Variants in MATK observed in about 807,000 individuals in gnomAD.
MATK encodes megakaryocyte-associated tyrosine kinase.
MATK carries 41 observed loss-of-function variants against 59.8 expected under a neutral mutation model. The ratio of observed to expected loss-of-function variants is 0.69; its 90% CI spans 0.53 to 0.89. MATK has a LOEUF of 0.89. MATK is among the 40% of genes least tolerant of loss of function. The probability of loss-of-function intolerance (pLI) is 0.00; values close to 1 mark genes in which losing one functional copy is unlikely to be tolerated. For synonymous variants in MATK, 308 were observed against 306.1 expected, an observed-to-expected ratio of 1.01 and a Z score of -0.06; for missense variants, 593 against 719.6, an observed-to-expected ratio of 0.82 and a Z score of 2.01.
rs573994691 is a variant in MATK, at chr19:3,780,252, C to T, written c.743-455G>A. 3.3e-5 allele frequency among the ~76,000 whole-genome samples: 5 copies of T among 151,978 alleles called. No individual in the cohort carries two copies. The East Asian group carries it at 7.8e-4, about 24-fold the overall frequency. ...CCAAGATTGTGCCATTGCACTCCAG[C>T]CTGGGTGACAGAGCGAAACTCCATC... On this transcript the variant is annotated intron_variant, in intron 8 of 13. Transcript: ENST00000310132.
chr19:3,785,210 C>A lies in MATK; in HGVS notation c.-75G>T. ...TCACAGTCGGGGACGCTGGGAATGG[C>A]CTGCCACAGGCCAGTCGGCTGGCAC... On this transcript the variant is annotated 5_prime_UTR_variant, in exon 2 of 14. Coordinates refer to ENST00000310132, the MANE Select transcript of MATK (RefSeq NM_139355.3). 1 of 1,607,542 alleles carries A rather than the reference C, an allele frequency of 6.2e-7. No homozygotes were observed. The highest frequency in any genetic ancestry group is 1.7e-4 in the Middle Eastern group (1 of 6,018).
chr19:3,784,766 G>T (rs1599200477), intron 3 of MATK, 59 bp downstream of exon 3: 3 of 1,244,038 alleles, frequency 2.4e-6, no homozygotes, highest in East Asian at 2.5e-5. Flanking sequence ...GGGTCTCAGG[G>T]TGTGGACGGA....
At chr19:3,779,894 T>G in intron 8 of MATK, 97 bp from the exon 9 acceptor site, 1 of 777,464 alleles carries the variant, frequency 1.3e-6, no homozygotes, top group Non-Finnish European at 2.3e-6. Context: ...GGTGCCCATG[T>G]AACATTCACA....
At chr19:3,779,269 C>T (rs371447841) in intron 11 of MATK, 82 bp from the exon 12 acceptor site, 20 of 1,549,700 alleles carry the variant, frequency 1.3e-5, no homozygotes, top group East Asian at 2.3e-5. Flanking sequence ...TGCCTGGGGC[C>T]ACAAGCTCAC....
upstream of MATK, among the ~76,000 whole-genome samples, chr19:3,789,783 G>A (rs1315685484): frequency 6.7e-6 from 1 of 148,566 alleles, no homozygotes; most frequent in Non-Finnish European, 1.5e-5. Flanking sequence ...AGAGTGCAGT[G>A]GCCTGATCTC....
chr19:3,790,564 G>A (rs1010873366), upstream of MATK, among the ~76,000 whole-genome samples: 2 of 152,102 alleles, frequency 1.3e-5, no homozygotes, highest in African/African-American at 4.8e-5. Flanking sequence ...TGGCATCCAG[G>A]GCTCTTCATG....
At chr19:3,781,103 C>T (rs1384506026) in intron 8 of MATK, among the ~76,000 whole-genome samples, 2 of 152,124 alleles carry the variant, frequency 1.3e-5, no homozygotes, top group Non-Finnish European at 2.9e-5. Context: ...GAGCATTACA[C>T]AAAATTCAAA....
intron 6 of MATK, 82 bp downstream of exon 6, chr19:3,783,732 C>G: frequency 7.4e-7 from 1 of 1,346,682 alleles, no homozygotes; most frequent in Non-Finnish European, 1.0e-6. Flanking sequence ...TGACCCGCCC[C>G]TCTATCTCTA....
intron 1 of MATK, among the ~76,000 whole-genome samples, chr19:3,799,808 T>G (rs1358749263): frequency 6.6e-6 from 1 of 150,602 alleles, no homozygotes; most frequent in African/African-American, 2.4e-5. Context: ...ACCATTGCAC[T>G]TGAGCCTGGG....
At position 3,784,865 on chromosome 19, in the gene MATK, C is replaced by A; in HGVS notation, c.92G>T (p.Arg31Leu). The A allele has an allele frequency of 6.5e-7, 1 of 1,546,328 alleles. No homozygotes were observed. The highest frequency in any genetic ancestry group is 8.8e-7 in the Non-Finnish European group (1 of 1,142,590). The change falls in exon 3 of 14, where the codon CGA (arginine) becomes CTA (leucine). Residue 31 changes from arginine to leucine, a missense_variant. Physicochemically the swap from Arg to Leu is moderately radical, Grantham distance 102 (BLOSUM62 -2). Transcript: ENST00000310132. ...TGAGACGGGAGGGGGGTGCCAGGCTCGGAGGAAGCGGGGGCTCACCTGGGG... is the reference window on the plus strand; with the variant it reads ...TGAGACGGGAGGGGGGTGCCAGGCTAGGAGGAAGCGGGGGCTCACCTGGGG... The part of the protein sequence containing the change: ...ELPRVSPRFL[R>L]AWHPPPVSAR...
At position 3,794,213 on chromosome 19, in the gene MATK, G is replaced by A. The variant is rs183009999; in HGVS notation, c.-57-4809C>T. Among the ~76,000 whole-genome samples the A allele has an allele frequency of 1.8e-3, 275 of 152,242 alleles. 2 individuals are homozygous for A. The highest frequency in any genetic ancestry group is 6.8e-3 in the Middle Eastern group (2 of 294). On this transcript the variant is annotated intron_variant, in intron 1 of 13. Coordinates refer to the MATK transcript ENST00000395045. ...CCCCACCTGTTATCCTGTCTCACTC[G>A]TCATTGTCAATCTCCCTCCATCCTT...
intron 6 of MATK, 123 bp downstream of exon 6, chr19:3,783,691 C>A: frequency 1.2e-6 from 1 of 854,800 alleles, no homozygotes; most frequent in Non-Finnish European, 1.9e-6. Context: ...ATGGTGTCTG[C>A]CCAGCTGCTG....
upstream of MATK, among the ~76,000 whole-genome samples, chr19:3,788,000 C>T (rs1357293936): frequency 2.7e-5 from 4 of 150,854 alleles, no homozygotes; most frequent in South Asian, 2.1e-4. Flanking sequence ...TGGGCTCAAG[C>T]GAACCTCCTG....
Position 3,778,058 on chromosome 19 carries a change from G to T in MATK, c.*125C>A. ...CGCCCAGAGCCCCCTACGTGGGCCA[G>T]CCCCTGCTGTGGGCACCAGGAGGAT... On this transcript the variant is annotated 3_prime_UTR_variant, in exon 14 of 14. Transcript: ENST00000310132. 7.2e-7 allele frequency: 1 copy of T among 1,386,876 alleles called. No homozygotes were observed. The highest frequency in any genetic ancestry group is 9.5e-7 in the Non-Finnish European group (1 of 1,051,298). The allele number at this position is 1,386,876 out of a possible 1,614,324, so 85.9% of individuals were successfully genotyped here.
chr19:3,795,751 C>CTTT lies in MATK; in HGVS notation c.-58+5778_-58+5780dup, dbSNP rs530367941. 8.0e-4 allele frequency among the ~76,000 whole-genome samples: 44 copies of CTTT among 54,782 alleles called. 7 individuals carry two copies. The highest frequency in any genetic ancestry group is 1.1e-3 in the Non-Finnish European group (30 of 26,902). The allele number at this position is 54,782 out of a possible 152,430, so 35.9% of individuals were successfully genotyped here. ...GTCTTTATTTTCTCATAAGTAGGTG[C>CTTT]TTTTTTTTTTTTTTTTTTTTTTTTT... On this transcript the variant is annotated intron_variant, in intron 1 of 13. Coordinates refer to the MATK transcript ENST00000395045.
chr19:3,787,616 G>A (rs945684008), upstream of MATK: 1 of 152,000 alleles, frequency 6.6e-6, no homozygotes, highest in Non-Finnish European at 1.5e-5. Context: ...GGACTCCTGG[G>A]ATCAAGCGAT....
rs765396285 is a variant in MATK at position 3,778,647 on chromosome 19, A to G, written c.1198-52T>C. Reference sequence around the variant, plus strand: ...AGGGACCCCTCAGGTTTTCTGCTCCAGCCCCTGCTTCCTCCAGGAAGCCCT... The same window carrying G: ...AGGGACCCCTCAGGTTTTCTGCTCCGGCCCCTGCTTCCTCCAGGAAGCCCT... On this transcript the variant is annotated intron_variant, in intron 12 of 13. Coordinates refer to ENST00000310132, the MANE Select transcript of MATK (RefSeq NM_139355.3). The G allele has an allele frequency of 3.2e-6, 5 of 1,551,804 alleles. No individual in the cohort carries two copies. In the African/African-American group the frequency reaches 6.8e-5, roughly 21 times the overall value.
At chr19:3,782,569 G>C (rs957674594) in intron 7 of MATK, among the ~76,000 whole-genome samples, 2 of 152,368 alleles carry the variant, frequency 1.3e-5, no homozygotes, top group African/African-American at 4.8e-5. Flanking sequence ...GACCTGGGAG[G>C]GGGTGGATGT....
At chr19:3,783,048 CG>C in intron 7 of MATK, 77 bp downstream of exon 7, 2 of 1,385,284 alleles carry the variant, frequency 1.4e-6, no homozygotes. Flanking sequence ...CTCAGAGGTG[CG>C]GGGCCCCAGG....
Sources: gnomAD v4.1 joint callset for allele counts (sites outside exome capture counted in the v4.1 genomes callset) on GRCh38, gnomAD v4.1.1 for gene constraint, MANE v1.5 for transcripts, NCBI Gene and HGNC (gene_info 2026-07-23, HGNC 2026-07-21) for gene names.